The following TIMELESS variants were observed in gnomAD, a reference collection of about 807,000 sequenced individuals.
TIMELESS encodes the protein protein timeless homolog.
A neutral mutation model predicts 164.3 loss-of-function variants in TIMELESS; 124 were observed. That is an observed-to-expected ratio of 0.75 (90% CI 0.65 to 0.88). The LOEUF (loss-of-function observed/expected upper bound fraction) is 0.88, where lower values mean the gene tolerates loss of function less well. TIMELESS is among the 40% of genes least tolerant of loss of function. TIMELESS has a pLI of 0.00. For missense variants in TIMELESS, 1,422 were observed against 1,491.4 expected, an observed-to-expected ratio of 0.95 and a Z score of 0.77; for synonymous variants, 564 against 563.4, an observed-to-expected ratio of 1.00 and a Z score of -0.02.
rs11171846 is a variant in TIMELESS, at chr12:56,434,272, C to T, written c.-61-41G>A. ...AAGATAAAAAATGTAAGTTCCTCTCCATGAAAAGAAGATAGGAACAGGACG... is the reference window on the plus strand; with the variant it reads ...AAGATAAAAAATGTAAGTTCCTCTCTATGAAAAGAAGATAGGAACAGGACG... On this transcript the variant is annotated intron_variant, in intron 1 of 28. Transcript: ENST00000553532. The T allele has an allele frequency of 0.074, 69,672 of 936,264 alleles. 3,250 individuals carry two copies. The highest frequency in any genetic ancestry group is 0.14 in the Middle Eastern group (667 of 4,694). 58.0% of individuals were successfully genotyped at this position (936,264 alleles called of 1,614,324 possible). A position where few individuals can be genotyped will look rare whatever the true frequency, so the allele number is the denominator to read the frequency against.
At chr12:56,442,073 G>A (rs1393536707) in intron 1 of TIMELESS, among the ~76,000 whole-genome samples, 1 of 92,106 alleles carries the variant, frequency 1.1e-5, no homozygotes, top group Non-Finnish European at 1.9e-5. Context: ...GACAGAGTGA[G>A]ACTCCGTCTC....
intron 1 of TIMELESS, among the ~76,000 whole-genome samples, chr12:56,438,773 G>A: frequency 1.5e-5 from 1 of 67,340 alleles, no homozygotes; most frequent in African/African-American, 6.5e-5. Context: ...GCAAAGCTCT[G>A]TCTCAAAAAA....
At position 56,428,995 on chromosome 12, in the gene TIMELESS, G is replaced by T; in HGVS notation, c.1192C>A (p.Leu398Met). The T allele has an allele frequency of 6.2e-7, 1 of 1,614,172 alleles. No individual in the cohort carries two copies. Among genetic ancestry groups the T allele is most frequent in the South Asian group, 1.1e-5 (1 of 91,086 alleles). ...FNRAASFRPG[L>M]VSETLSVRTF... ...CGGACACTGAGGGTCTCAGAAACCA[G>T]GCCTGGCCGGAAGGAGGCAGCTCGG... Residue 398 changes from leucine to methionine, a missense_variant, in exon 11 of 29, where the codon CTG (leucine) becomes ATG (methionine). Transcript: ENST00000553532.
chr12:56,418,393 C>T (rs376843124), intron 26 of TIMELESS, 34 bp from the exon 27 acceptor site: 275 of 1,499,914 alleles, frequency 1.8e-4, no homozygotes, highest in Admixed American at 6.0e-4. Context: ...AGGGAAAGGA[C>T]CAGCTTTTTG....
chr12:56,425,264 T>C (rs1881642672), intron 13 of TIMELESS, 112 bp from the exon 14 acceptor site: 8 of 1,274,358 alleles, frequency 6.3e-6, no homozygotes, highest in South Asian at 1.5e-5. Flanking sequence ...GTGCCCATTA[T>C]CTGCTATCCA....
At chr12:56,431,082 G>A (rs1021427763) in intron 8 of TIMELESS, 114 bp from the exon 9 acceptor site, 15 of 675,206 alleles carry the variant, frequency 2.2e-5, no homozygotes, top group African/African-American at 1.7e-4. Flanking sequence ...GGTCGGGCAC[G>A]GTGGCTCACG....
In TIMELESS at chr12:56,417,605, A is replaced by T; in HGVS notation, c.*111T>A. ...AATCCGTGAAAGAGCCTGGGATTCT[A>T]CTGCTCTGTCCAGTAAGAGGAGCTT... is the stretch of plus-strand genomic sequence containing the variant. On this transcript the variant is annotated 3_prime_UTR_variant, in exon 29 of 29. Coordinates refer to ENST00000553532, the MANE Select transcript of TIMELESS (RefSeq NM_003920.5). The T allele has an allele frequency of 2.9e-6, 3 of 1,024,188 alleles. No homozygotes were observed. The highest frequency in any genetic ancestry group is 4.5e-6 in the Non-Finnish European group (3 of 662,014). The allele number at this position is 1,024,188 out of a possible 1,614,324, so 63.4% of individuals were successfully genotyped here.
At chr12:56,418,444 T>A (rs2643627) in intron 26 of TIMELESS, 85 bp from the exon 27 acceptor site, 29 of 952,848 alleles carry the variant, frequency 3.0e-5, no homozygotes, top group Non-Finnish European at 4.5e-5. Context: ...TATGACCCAA[T>A]ATTGGTGAAG....
chr12:56,421,822 G>A lies in TIMELESS; in HGVS notation c.2643-13C>T. 2 of 1,614,040 alleles carry A rather than the reference G, an allele frequency of 1.2e-6. No homozygotes were observed. The highest frequency in any genetic ancestry group is 1.1e-5 in the South Asian group (1 of 91,084). ...ATGGGTTCCTTTCCTGATTAGGAAG[G>A]TGTCAGTGGAAGAGGAAGCCCAGGA... On this transcript the variant is annotated splice_polypyrimidine_tract_variant and intron_variant, in intron 21 of 28. Transcript: ENST00000553532.
intron 1 of TIMELESS, among the ~76,000 whole-genome samples, chr12:56,441,771 G>T (rs911229665): frequency 1.3e-5 from 2 of 151,632 alleles, no homozygotes; most frequent in Non-Finnish European, 2.9e-5. Flanking sequence ...CAATGGTAGC[G>T]CTAAAGAAAT....
intron 1 of TIMELESS, among the ~76,000 whole-genome samples, chr12:56,446,827 A>ACT (rs61019509): frequency 0.07 from 10,409 of 148,714 alleles, 1,248 homozygotes; most frequent in African/African-American, 0.25. Context: ...AAAAAAAAAG[A>ACT]CTGCCCAAAA....
At chr12:56,439,167 C>CAAA (rs57127557) in intron 1 of TIMELESS, among the ~76,000 whole-genome samples, 4 of 85,660 alleles carry the variant, frequency 4.7e-5, no homozygotes, top group African/African-American at 8.9e-5. Flanking sequence ...AACTCCTTCT[C>CAAA]AAAAAAAAAA....
chr12:56,436,858 G>A (rs904258543), intron 1 of TIMELESS, among the ~76,000 whole-genome samples: 2 of 152,066 alleles, frequency 1.3e-5, no homozygotes, highest in Non-Finnish European at 2.9e-5. Context: ...ATGCTGTAGG[G>A]CTTCATTTTG....
At chr12:56,439,440 C>T (rs11171852) in intron 1 of TIMELESS, among the ~76,000 whole-genome samples, 83,386 of 150,522 alleles carry the variant, frequency 0.55, 24,062 homozygotes, top group African/African-American at 0.68. Flanking sequence ...GTTGACCAGC[C>T]CAGGTTGGAG....
chr12:56,443,212 G>T (rs1024101371), intron 1 of TIMELESS, among the ~76,000 whole-genome samples: 44 of 152,182 alleles, frequency 2.9e-4, no homozygotes, highest in African/African-American at 1.1e-3. Flanking sequence ...AACGACATGT[G>T]AGTAGGAGAA....
Position 56,433,134 on chromosome 12 carries a change from A to G in TIMELESS, c.430-7T>C. ...CCTGCCGTTCCTCCCAGCCCTAACC[A>G]GAAGAGAGTAAGAGGAAGAGACTCC... On this transcript the variant is annotated splice_polypyrimidine_tract_variant and splice_region_variant and intron_variant, in intron 5 of 28. Transcript: ENST00000553532. 1 of 1,613,818 alleles carries G rather than the reference A, an allele frequency of 6.2e-7. No homozygotes were observed. Among genetic ancestry groups the G allele is most frequent in the East Asian group, 2.2e-5 (1 of 44,876 alleles).
chr12:56,418,339 T>G lies in TIMELESS; in HGVS notation c.3249A>C (p.Pro1083=). ...GGAGCTGGGTAGGACTCAGCTTGGC[T>G]GGAATTCGCCAGAAGGTTTCCTACA... ...ASGQETFWRI[P]AKLSPTQLRR... is the part of the protein sequence containing the mutation. Residue 1083 remains proline (P), a synonymous_variant, in exon 27 of 29, where the codon CCA becomes CCC. Coordinates refer to ENST00000553532, the MANE Select transcript of TIMELESS (RefSeq NM_003920.5). The G allele has an allele frequency of 6.2e-7, 1 of 1,610,942 alleles. No individual in the cohort carries two copies. The highest frequency in any genetic ancestry group is 8.5e-7 in the Non-Finnish European group (1 of 1,178,612).
intron 1 of TIMELESS, among the ~76,000 whole-genome samples, chr12:56,448,148 G>A (rs1032214642): frequency 2.6e-5 from 4 of 152,140 alleles, no homozygotes; most frequent in East Asian, 1.9e-4. Context: ...GCTCACACCC[G>A]TAATCCCAGC....
At chr12:56,442,687 G>A (rs1486969357) in intron 1 of TIMELESS, among the ~76,000 whole-genome samples, 3 of 152,126 alleles carry the variant, frequency 2.0e-5, no homozygotes, top group African/African-American at 4.8e-5. Flanking sequence ...AGGCCCAGAT[G>A]TGCTGGAGAA....
Sources: gnomAD v4.1 joint callset for allele counts (sites outside exome capture counted in the v4.1 genomes callset) on GRCh38, gnomAD v4.1.1 for gene constraint, MANE v1.5 for transcripts, NCBI Gene and HGNC (gene_info 2026-07-23, HGNC 2026-07-21) for gene names.